Variants in KHDRBS2 observed in about 807,000 individuals in gnomAD.
The protein encoded by KHDRBS2 is KH RNA binding domain containing, signal transduction associated 2.
Under a neutral mutation model 44.3 loss-of-function variants are expected in KHDRBS2, and 26 were observed. That is an observed-to-expected ratio of 0.59 (90% CI 0.43 to 0.81). The LOEUF (loss-of-function observed/expected upper bound fraction) is 0.81, where lower values mean the gene tolerates loss of function less well. Ranked by LOEUF, KHDRBS2 falls within the 40% of genes least tolerant of loss-of-function variation. The pLI is 0.00. For synonymous variants in KHDRBS2, 194 were observed against 151.1 expected, an observed-to-expected ratio of 1.28 and a Z score of -2.08; for missense variants, 476 against 433.1, an observed-to-expected ratio of 1.10 and a Z score of -0.88.
chr6:61,922,461 G>A (rs1808242581), intron 4 of KHDRBS2, among the ~76,000 whole-genome samples: 1 of 152,040 alleles, frequency 6.6e-6, no homozygotes, highest in South Asian at 2.1e-4. Flanking sequence ...TGCAAAAACA[G>A]ACAACACTGG....
intron 6 of KHDRBS2, among the ~76,000 whole-genome samples, chr6:61,865,543 C>T (rs1357789540): frequency 6.6e-6 from 1 of 151,190 alleles, no homozygotes; most frequent in Non-Finnish European, 1.5e-5. Context: ...CAATTACTTC[C>T]CACTGGGTTC....
intron 6 of KHDRBS2, among the ~76,000 whole-genome samples, chr6:61,854,796 A>G (rs1298600600): frequency 6.6e-6 from 1 of 152,196 alleles, no homozygotes; most frequent in Non-Finnish European, 1.5e-5. Context: ...AAAAGGTAAA[A>G]TACATTCACC....
the KHDRBS2 span, chr6:61,574,513 C>T: frequency 4.1e-5 from 34 of 823,720 alleles, no homozygotes; most frequent in South Asian, 1.1e-4. Context: ...TCGGCTGGGG[C>T]GACCTCGGAG....
intron 3 of KHDRBS2, among the ~76,000 whole-genome samples, chr6:61,983,612 G>A (rs1709632071): frequency 6.6e-6 from 1 of 152,042 alleles, no homozygotes; most frequent in Admixed American, 6.6e-5. Context: ...ATAGCATTGA[G>A]AAGGCTTTTA....
chr6:62,077,712 G>C (rs1271033668), intron 2 of KHDRBS2, among the ~76,000 whole-genome samples: 2 of 152,006 alleles, frequency 1.3e-5, no homozygotes, highest in South Asian at 4.1e-4. Flanking sequence ...ATGAGGGCTT[G>C]ATTATACCTT....
At chr6:62,252,856 T>C (rs77236834) in intron 1 of KHDRBS2, among the ~76,000 whole-genome samples, 3,748 of 152,086 alleles carry the variant, frequency 0.025, 117 homozygotes, top group African/African-American at 0.08. Flanking sequence ...ATCTGAATCA[T>C]AGATTTGTAA....
chr6:61,745,305 C>A (rs1776705291), intron 6 of KHDRBS2, among the ~76,000 whole-genome samples: 1 of 152,114 alleles, frequency 6.6e-6, no homozygotes, highest in Admixed American at 6.6e-5. Context: ...ATTCGGTTGT[C>A]AGTAGGTTTC....
chr6:62,236,718 T>C (rs1417510389), intron 1 of KHDRBS2, among the ~76,000 whole-genome samples: 1 of 152,104 alleles, frequency 6.6e-6, no homozygotes, highest in Non-Finnish European at 1.5e-5. Context: ...AGCAAATACA[T>C]GTAAAATACT....
At chr6:62,126,169 G>A (rs1808918588) in intron 2 of KHDRBS2, among the ~76,000 whole-genome samples, 1 of 152,176 alleles carries the variant, frequency 6.6e-6, no homozygotes, top group Non-Finnish European at 1.5e-5. Context: ...TGACTGAAGA[G>A]GCCGTGGGCC....
rs530643600 is a variant in KHDRBS2 at position 61,881,915 on chromosome 6, T to C, written c.810+12720A>G. Among the ~76,000 whole-genome samples the C allele has an allele frequency of 1.5e-3, 235 of 152,166 alleles. 7 individuals are homozygous for C. In the South Asian group the frequency reaches 0.045, roughly 29 times the overall value. On this transcript the variant is annotated intron_variant, in intron 6 of 8. Coordinates refer to ENST00000281156, the MANE Select transcript of KHDRBS2 (RefSeq NM_152688.4). ...TATTATTCTGCAAAGGCATATATTGTAGCTATATTATTTAATCCAAAAATA... is the reference window on the plus strand; with the variant it reads ...TATTATTCTGCAAAGGCATATATTGCAGCTATATTATTTAATCCAAAAATA...
chr6:62,242,796 T>C (rs1401276570), intron 1 of KHDRBS2, among the ~76,000 whole-genome samples: 1 of 152,220 alleles, frequency 6.6e-6, no homozygotes, highest in African/African-American at 2.4e-5. Flanking sequence ...GATGCTTTTC[T>C]TGTTTCTTTA....
At chr6:62,268,496 A>C (rs1839557508) in intron 1 of KHDRBS2, among the ~76,000 whole-genome samples, 1 of 152,110 alleles carries the variant, frequency 6.6e-6, no homozygotes, top group African/African-American at 2.4e-5. Context: ...AAGATGAGCT[A>C]TCATCGTGGA....
intron 4 of KHDRBS2, among the ~76,000 whole-genome samples, chr6:61,953,650 T>G (rs1765248067): frequency 6.6e-6 from 1 of 152,132 alleles, no homozygotes; most frequent in Non-Finnish European, 1.5e-5. Flanking sequence ...AGATCTCTTT[T>G]CATATTCATG....
chr6:61,604,774 C>G, the KHDRBS2 span, among the ~76,000 whole-genome samples: 2 of 152,168 alleles, frequency 1.3e-5, no homozygotes. Context: ...TAAAATAACT[C>G]TTGGTCTGGG....
At chr6:62,027,651 G>T (rs1294948454) in intron 3 of KHDRBS2, among the ~76,000 whole-genome samples, 1 of 152,004 alleles carries the variant, frequency 6.6e-6, no homozygotes, top group Non-Finnish European at 1.5e-5. Flanking sequence ...TTTAAAGAAT[G>T]ACTTAATCAT....
At chr6:62,169,781 G>A (rs1435201804) in intron 2 of KHDRBS2, among the ~76,000 whole-genome samples, 1 of 152,010 alleles carries the variant, frequency 6.6e-6, no homozygotes, top group East Asian at 2.0e-4. Flanking sequence ...GCAAAGGTAA[G>A]TCTCAAGTCC....
downstream of KHDRBS2, among the ~76,000 whole-genome samples, chr6:61,678,304 G>C (rs1242816670): frequency 6.6e-6 from 1 of 151,900 alleles, no homozygotes; most frequent in South Asian, 2.1e-4. Context: ...TCAACTTCTC[G>C]TGTACGGAAA....
chr6:61,967,356 TTGGAAA>T (rs1770222603), intron 4 of KHDRBS2, among the ~76,000 whole-genome samples: 1 of 152,040 alleles, frequency 6.6e-6, no homozygotes, highest in African/African-American at 2.4e-5. Flanking sequence ...TTGAAAGTGC[TTGGAAA>T]TGTAAGCCAT....
intron 1 of KHDRBS2, among the ~76,000 whole-genome samples, chr6:62,194,358 G>C (rs554445772): frequency 2.7e-5 from 4 of 149,946 alleles, no homozygotes; most frequent in African/African-American, 9.8e-5. Flanking sequence ...TGAAACCCTT[G>C]TAAAAAAAAC....
Sources: gnomAD v4.1 joint callset for allele counts (sites outside exome capture counted in the v4.1 genomes callset) on GRCh38, gnomAD v4.1.1 for gene constraint, MANE v1.5 for transcripts, NCBI Gene and HGNC (gene_info 2026-07-23, HGNC 2026-07-21) for gene names.